PTPRQ: variants seen among roughly 807,000 people sequenced by gnomAD.
The protein encoded by PTPRQ is phosphatidylinositol phosphatase PTPRQ.
Under a neutral mutation model 246.0 loss-of-function variants are expected in PTPRQ, and 199 were observed. That is an observed-to-expected ratio of 0.81 (90% confidence interval 0.72 to 0.91). The LOEUF is 0.91. Among genes scored for constraint, PTPRQ ranks in the 40% least tolerant of loss-of-function variants. The pLI is 0.00. For synonymous variants in PTPRQ, 869 were observed against 853.2 expected (o/e 1.02, Z -0.32); for missense variants, 2,624 against 2,528.4 (o/e 1.04, Z -0.81).
intron 38 of PTPRQ, 111 bp downstream of exon 38, chr12:80,652,945 A>T (rs1316866903): frequency 2.5e-6 from 3 of 1,187,976 alleles, no homozygotes; most frequent in Middle Eastern, 3.1e-4. Context: ...GAATTATAAT[A>T]ATGTATTTTA....
At chr12:80,563,519 G>A (rs992398615) in intron 25 of PTPRQ, among the ~76,000 whole-genome samples, 2 of 152,130 alleles carry the variant, frequency 1.3e-5, no homozygotes, top group Non-Finnish European at 1.5e-5. Context: ...TGAATTTTGG[G>A]GTGATGCAAA....
At chr12:80,595,681 C>T (rs954521860) in intron 26 of PTPRQ, among the ~76,000 whole-genome samples, 14 of 151,608 alleles carry the variant, frequency 9.2e-5, no homozygotes, top group Admixed American at 3.3e-4. Context: ...CATCATTTAG[C>T]ATTAGGTATA....
At chr12:80,624,485 T>C (rs139472521) in intron 33 of PTPRQ, among the ~76,000 whole-genome samples, 49 of 152,314 alleles carry the variant, frequency 3.2e-4, no homozygotes, top group African/African-American at 1.2e-3. Flanking sequence ...GCTATTTAGA[T>C]AGTCATTTAT....
intron 3 of PTPRQ, among the ~76,000 whole-genome samples, chr12:80,455,717 A>G (rs1348760024): frequency 6.6e-6 from 1 of 151,698 alleles, no homozygotes; most frequent in East Asian, 1.9e-4. Context: ...CAGCCTCCCA[A>G]ATAGCTGGGA....
intron 35 of PTPRQ, among the ~76,000 whole-genome samples, chr12:80,640,241 G>A (rs950676924): frequency 3.3e-5 from 5 of 152,136 alleles, no homozygotes; most frequent in Admixed American, 3.3e-4. Context: ...GGCATTTAAT[G>A]TTGACTCAAA....
At position 80,549,686 on chromosome 12, in the gene PTPRQ, G is replaced by T. The variant is rs1392360696; in HGVS notation, c.4237G>T (p.Gly1413Cys). 6.4e-7 allele frequency: 1 copy of T among 1,550,964 alleles called. No individual in the cohort carries two copies. Among genetic ancestry groups the T allele is most frequent in the East Asian group, 2.4e-5 (1 of 40,920 alleles). ...VFKVRASTSAGEGDESTCHVS... is the reference protein window; with the variant it reads ...VFKVRASTSACEGDESTCHVS... Reference sequence around the variant, plus strand: ...TAAAGTAAGAGCTTCAACCTCAGCTGGTGAAGGTGATGAAAGCACATGCCA... The same window carrying T: ...TAAAGTAAGAGCTTCAACCTCAGCTTGTGAAGGTGATGAAAGCACATGCCA... Residue 1413 changes from glycine (G) to cysteine (C), a missense_variant, in exon 25 of 45, where the codon GGT becomes TGT. Coordinates refer to ENST00000644991, the MANE Select transcript of PTPRQ (RefSeq NM_001145026.2).
intron 25 of PTPRQ, among the ~76,000 whole-genome samples, chr12:80,558,870 A>G (rs922459046): frequency 6.6e-6 from 1 of 152,120 alleles, no homozygotes; most frequent in South Asian, 2.1e-4. Context: ...CTTATGTACC[A>G]TCTGTATATC....
intron 14 of PTPRQ, among the ~76,000 whole-genome samples, chr12:80,502,651 C>A (rs1397276901): frequency 6.6e-6 from 1 of 151,678 alleles, no homozygotes; most frequent in Non-Finnish European, 1.5e-5. Flanking sequence ...GAAATGAAGG[C>A]ATAAGAGAGG....
chr12:80,496,174 C>A (rs1474957915), intron 13 of PTPRQ, 68 bp downstream of exon 13: 2 of 1,542,916 alleles, frequency 1.3e-6, no homozygotes, highest in Non-Finnish European at 1.7e-6. Flanking sequence ...GCCTTCACTT[C>A]ATGCTACCTC....
chr12:80,466,065 T>C (rs150674450), intron 6 of PTPRQ, among the ~76,000 whole-genome samples: 16,253 of 152,216 alleles, frequency 0.11, 1,215 homozygotes, highest in African/African-American at 0.21. Context: ...GAAGTCAAAA[T>C]GTCCCTGTTT....
intron 25 of PTPRQ, among the ~76,000 whole-genome samples, chr12:80,587,257 A>T (rs1440690817): frequency 6.6e-6 from 1 of 152,180 alleles, no homozygotes; most frequent in African/African-American, 2.4e-5. Context: ...TAAAATGTGA[A>T]TATTAATATA....
intron 19 of PTPRQ, among the ~76,000 whole-genome samples, chr12:80,537,473 A>G (rs1056843969): frequency 6.6e-6 from 1 of 152,156 alleles, no homozygotes; most frequent in African/African-American, 2.4e-5. Context: ...AGAATTGTGT[A>G]ATATTTATTT....
intron 17 of PTPRQ, among the ~76,000 whole-genome samples, chr12:80,527,947 T>A (rs1895737229): frequency 1.3e-5 from 2 of 152,038 alleles, no homozygotes; most frequent in Non-Finnish European, 2.9e-5. Context: ...TAAACAGGTA[T>A]GGTAACATAT....
chr12:80,672,333 A>G (rs1056294772), intron 42 of PTPRQ, among the ~76,000 whole-genome samples: 3 of 151,438 alleles, frequency 2.0e-5, no homozygotes, highest in African/African-American at 7.3e-5. Context: ...ACATGTTACT[A>G]TACTCAGTTT....
At chr12:80,513,817 G>A (rs978046919) in intron 17 of PTPRQ, among the ~76,000 whole-genome samples, 1 of 151,998 alleles carries the variant, frequency 6.6e-6, no homozygotes, top group African/African-American at 2.4e-5. Flanking sequence ...GCTTATTCTA[G>A]TCCCCTGGTT....
Position 80,468,731 on chromosome 12 carries a change from A to C in PTPRQ, c.932A>C (p.Asn311Thr). The C allele has an allele frequency of 6.5e-7, 1 of 1,547,266 alleles. No individual in the cohort carries two copies. The highest frequency in any genetic ancestry group is 1.4e-5 in the African/African-American group (1 of 73,058). ...TTAGTGCCTGAAGGACCACCACAAA[A>C]CTGCGTAACAGGCAACATCACAGGA... ...PESVPEGPPQ[N>T]CVTGNITGKS... The change falls in exon 7 of 45, where the codon AAC becomes ACC. Residue 311 changes from asparagine to threonine, a missense_variant. Coordinates refer to ENST00000644991, the MANE Select transcript of PTPRQ (RefSeq NM_001145026.2).
chr12:80,524,297 A>G (rs769434331), intron 17 of PTPRQ, among the ~76,000 whole-genome samples: 1 of 152,026 alleles, frequency 6.6e-6, no homozygotes, highest in East Asian at 1.9e-4. Context: ...CAGAACACTG[A>G]TGAGACCTGA....
At chr12:80,483,434 A>T (rs912084844) in intron 8 of PTPRQ, among the ~76,000 whole-genome samples, 1 of 146,838 alleles carries the variant, frequency 6.8e-6, no homozygotes, top group Non-Finnish European at 1.5e-5. Context: ...CTAGATGACG[A>T]GTTAGTGGGT....
At chr12:80,539,567 G>A (rs1399479514) in intron 19 of PTPRQ, among the ~76,000 whole-genome samples, 1 of 151,882 alleles carries the variant, frequency 6.6e-6, no homozygotes, top group East Asian at 1.9e-4. Flanking sequence ...TATTGGCTTT[G>A]CAATAAAAAC....
Sources: allele counts gnomAD v4.1 joint callset (sites outside exome capture counted in the v4.1 genomes callset), GRCh38; gene constraint gnomAD v4.1.1; transcripts MANE v1.5; gene names NCBI Gene and HGNC (gene_info 2026-07-23, HGNC 2026-07-21).